NET1: variants seen among roughly 807,000 people sequenced by gnomAD.
The protein encoded by NET1 is neuroepithelial cell transforming 1, also known as neuroepithelial cell-transforming gene 1 protein.
A neutral mutation model predicts 61.1 loss-of-function variants in NET1; 42 were observed. The ratio of observed to expected loss-of-function variants is 0.69; its 90% CI spans 0.54 to 0.89. NET1 has a LOEUF of 0.89. NET1 is among the 40% of genes least tolerant of loss of function. NET1 has a pLI of 0.00. For synonymous variants in NET1, 254 were observed against 281.8 expected, an observed-to-expected ratio of 0.90 and a Z score of 0.99; for missense variants, 654 against 747.3, an observed-to-expected ratio of 0.88 and a Z score of 1.46.
At position 5,431,605 on chromosome 10, in the gene NET1, T is replaced by C. The variant is rs1359020732; in HGVS notation, c.255+2376T>C. On this transcript the variant is annotated intron_variant, in intron 3 of 11. Coordinates refer to ENST00000355029, the MANE Select transcript of NET1 (RefSeq NM_001047160.3). This position sits in a 1 kb window ranked among gnomAD's most constrained non-coding sequence, Gnocchi z 4.9. ...TTGATTACTCTGAAGTTCTGATTTATAATAAAAGCAGAACAAGTGCTTGAT... is the reference window on the plus strand; with the variant it reads ...TTGATTACTCTGAAGTTCTGATTTACAATAAAAGCAGAACAAGTGCTTGAT... Among the ~76,000 whole-genome samples, 2 of 152,218 alleles carry C rather than the reference T, an allele frequency of 1.3e-5. No homozygotes were observed. Among genetic ancestry groups the C allele is most frequent in the Non-Finnish European group, 2.9e-5 (2 of 68,034 alleles).
At position 5,456,708 on chromosome 10, in the gene NET1, C is replaced by A. The variant is rs201622703; in HGVS notation, c.1505C>A (p.Pro502His). 2 of 1,614,042 alleles carry A rather than the reference C, an allele frequency of 1.2e-6. No individual in the cohort carries two copies. Among genetic ancestry groups the A allele is most frequent in the Non-Finnish European group, 1.7e-6 (2 of 1,180,030 alleles). Residue 502 changes from proline (P) to histidine (H), a missense_variant, in exon 12 of 12, where the codon CCC becomes CAC. Pro to His is a moderately conservative substitution (Grantham distance 77, BLOSUM62 -2). Coordinates refer to ENST00000355029, the MANE Select transcript of NET1 (RefSeq NM_001047160.3). This position sits in a 1 kb window ranked among gnomAD's most constrained non-coding sequence, Gnocchi z 7.0. ...AACTGTATTCGAGCGGCCATTGCCC[C>A]CTTCCAGTCGGCAGGCAGTCCACCT... ...WFNCIRAAIA[P>H]FQSAGSPPEL...
Position 5,437,660 on chromosome 10 carries a change from T to A in NET1, c.255+8431T>A, listed in dbSNP as rs1448396322. Among the ~76,000 whole-genome samples the A allele has an allele frequency of 3.1e-5, 2 of 64,258 alleles. No homozygotes were observed. The highest frequency in any genetic ancestry group is 5.5e-5 in the African/African-American group (1 of 18,062). 42.2% of individuals were successfully genotyped at this position (64,258 alleles called of 152,430 possible). A position where few individuals can be genotyped will look rare whatever the true frequency, so the allele number is the denominator to read the frequency against. On this transcript the variant is annotated intron_variant, in intron 3 of 11. Coordinates refer to ENST00000355029, the MANE Select transcript of NET1 (RefSeq NM_001047160.3). This position sits in a 1 kb window ranked among gnomAD's most constrained non-coding sequence, Gnocchi z 4.3. ...GAGTACCCTTTTCAACTCTGTATTTTCCCTAGTATTTTTTTTTTTAACCAA... is the reference window on the plus strand; with the variant it reads ...GAGTACCCTTTTCAACTCTGTATTTACCCTAGTATTTTTTTTTTTAACCAA...
chr10:5,426,577 T>C lies in NET1; in HGVS notation c.129-78T>C. 2 of 1,142,798 alleles carry C rather than the reference T, an allele frequency of 1.8e-6. No homozygotes were observed. Among genetic ancestry groups the C allele is most frequent in the Non-Finnish European group, 2.6e-6 (2 of 783,140 alleles). The allele number at this position is 1,142,798 out of a possible 1,614,324, so 70.8% of individuals were successfully genotyped here. On this transcript the variant is annotated intron_variant, in intron 1 of 11. Coordinates refer to ENST00000355029, the MANE Select transcript of NET1 (RefSeq NM_001047160.3). The surrounding 1 kb of genome is among the most constrained non-coding windows in gnomAD (Gnocchi z 4.6). The stretch of plus-strand genomic sequence containing the variant: ...TAAACGGTTTTGAAAGTATGAAAAG[T>C]ATAGCTTTTTATCTGTTTGATGCTC...
chr10:5,415,500 C>T lies in NET1; in HGVS notation c.128+2680C>T, dbSNP rs1036137735. ...TGTCACCGGGGCTGGAGTACAGTGG[C>T]ATGATCTCGGCTCACTGCAACCTCC... On this transcript the variant is annotated intron_variant, in intron 1 of 11. Coordinates refer to ENST00000355029, the MANE Select transcript of NET1 (RefSeq NM_001047160.3). The surrounding 1 kb of genome is among the most constrained non-coding windows in gnomAD (Gnocchi z 4.7). Among the ~76,000 whole-genome samples, 1 of 148,246 alleles carries T rather than the reference C, an allele frequency of 6.7e-6. No homozygotes were observed. The highest frequency in any genetic ancestry group is 1.5e-5 in the Non-Finnish European group (1 of 67,598).
Position 5,453,595 on chromosome 10 carries a change from C to T in NET1, c.768+35C>T. The T allele has an allele frequency of 6.4e-7, 1 of 1,566,714 alleles. No individual in the cohort carries two copies. The highest frequency in any genetic ancestry group is 8.8e-7 in the Non-Finnish European group (1 of 1,136,906). The stretch of plus-strand genomic sequence containing the variant: ...GAGTTGTTGACCCCAGATACAGTTT[C>T]TTACAGATGTGCCATGTTGCAGTTT... On this transcript the variant is annotated intron_variant, in intron 8 of 11. Coordinates refer to ENST00000355029, the MANE Select transcript of NET1 (RefSeq NM_001047160.3). This position sits in a 1 kb window ranked among gnomAD's most constrained non-coding sequence, Gnocchi z 4.9.
At position 5,452,651 on chromosome 10, in the gene NET1, GGATGGT is replaced by G. The variant is rs1832726285; in HGVS notation, c.531+128_531+133del. ...TACATGGTGAACAAAACCTAATGAT[GGATGGT>G]GGTCAAATTAAACAACTCTAATAGG... On this transcript the variant is annotated intron_variant, in intron 5 of 11. Transcript: ENST00000355029. The surrounding 1 kb of genome is among the most constrained non-coding windows in gnomAD (Gnocchi z 4.0). The G allele has an allele frequency of 9.3e-7, 1 of 1,073,226 alleles. No individual in the cohort carries two copies. Among genetic ancestry groups the G allele is most frequent in the Admixed American group, 2.7e-5 (1 of 37,636 alleles). 66.5% of individuals were successfully genotyped at this position (1,073,226 alleles called of 1,614,324 possible). A position where few individuals can be genotyped will look rare whatever the true frequency, so the allele number is the denominator to read the frequency against.
At chr10:5,419,661 G>C (rs1286447299) in intron 1 of NET1, among the ~76,000 whole-genome samples, 1 of 149,944 alleles carries the variant, frequency 6.7e-6, no homozygotes, top group Non-Finnish European at 1.5e-5. Flanking sequence ...TTCTTGTAAG[G>C]CAAGTCCGCT....
chr10:5,436,724 CT>C (rs1832444407), intron 3 of NET1, among the ~76,000 whole-genome samples: 1 of 152,066 alleles, frequency 6.6e-6, no homozygotes, highest in Admixed American at 6.5e-5. Context: ...GAGAAACAAC[CT>C]CTTAGAACCA....
chr10:5,456,547 T>C lies in NET1; in HGVS notation c.1385-41T>C, dbSNP rs1564469964. 1 of 1,508,674 alleles carries C rather than the reference T, an allele frequency of 6.6e-7. No homozygotes were observed. Among genetic ancestry groups the C allele is most frequent in the Non-Finnish European group, 8.9e-7 (1 of 1,127,450 alleles). The allele number at this position is 1,508,674 out of a possible 1,614,324, so 93.5% of individuals were successfully genotyped here. On this transcript the variant is annotated intron_variant, in intron 11 of 11. Transcript: ENST00000355029. This position sits in a 1 kb window ranked among gnomAD's most constrained non-coding sequence, Gnocchi z 7.0. ...CCACTTTGTCTAGAATAAACCTTTT[T>C]TTAGCCTGATTTCTTTTTTTTTTCC...
At position 5,437,510 on chromosome 10, in the gene NET1, G is replaced by C. The variant is rs1407578205; in HGVS notation, c.255+8281G>C. Among the ~76,000 whole-genome samples, 1 of 152,042 alleles carries C rather than the reference G, an allele frequency of 6.6e-6. No homozygotes were observed. Among genetic ancestry groups the C allele is most frequent in the East Asian group, 1.9e-4 (1 of 5,194 alleles). ...TGGTGCACAAGGAGGGACCATGTTT[G>C]TGTCTCTATTATAGATGTTTAGAAG... On this transcript the variant is annotated intron_variant, in intron 3 of 11. Transcript: ENST00000355029. The surrounding 1 kb of genome is among the most constrained non-coding windows in gnomAD (Gnocchi z 4.3).
Position 5,449,221 on chromosome 10 carries a change from T to C in NET1, c.256-2609T>C, listed in dbSNP as rs972062244. Among the ~76,000 whole-genome samples, 21 of 152,320 alleles carry C rather than the reference T, an allele frequency of 1.4e-4. No individual in the cohort carries two copies. Among genetic ancestry groups the C allele is most frequent in the African/African-American group, 4.6e-4 (19 of 41,576 alleles). On this transcript the variant is annotated intron_variant, in intron 3 of 11. Transcript: ENST00000355029. This position sits in a 1 kb window ranked among gnomAD's most constrained non-coding sequence, Gnocchi z 4.4. Reference sequence around the variant, plus strand: ...TCGTTATTTTAGTCATTAAAATTGTTCATACTTTTAAAATATATATACTAA... The same window carrying C: ...TCGTTATTTTAGTCATTAAAATTGTCCATACTTTTAAAATATATATACTAA...
In NET1 at chr10:5,447,408, TTA is replaced by T. The variant is rs1832632075; in HGVS notation, c.256-4421_256-4420del. On this transcript the variant is annotated intron_variant, in intron 3 of 11. Transcript: ENST00000355029. The surrounding 1 kb of genome is among the most constrained non-coding windows in gnomAD (Gnocchi z 4.1). ...CTCCTTGCTTTGTCTGAGTCTTTTT[TTA>T]GTCTTTATGAACATTTATCAATATA... 6.6e-6 allele frequency among the ~76,000 whole-genome samples: 1 copy of T among 152,236 alleles called. No individual in the cohort carries two copies. The highest frequency in any genetic ancestry group is 2.1e-4 in the South Asian group (1 of 4,832).
chr10:5,446,874 A>G lies in NET1; in HGVS notation c.256-4956A>G. On this transcript the variant is annotated intron_variant, in intron 3 of 11. Coordinates refer to ENST00000355029, the MANE Select transcript of NET1 (RefSeq NM_001047160.3). This position sits in a 1 kb window ranked among gnomAD's most constrained non-coding sequence, Gnocchi z 5.0. The stretch of plus-strand genomic sequence containing the variant: ...AGAACAAGAGGTAAGACTTTAAGAG[A>G]AACGTTAGGCAAAAGGAATGTTTTC... The G allele has an allele frequency of 6.3e-7, 1 of 1,591,846 alleles. No individual in the cohort carries two copies. Among genetic ancestry groups the G allele is most frequent in the Non-Finnish European group, 8.6e-7 (1 of 1,166,098 alleles).
chr10:5,446,540 C>T lies in NET1; in HGVS notation c.256-5290C>T. On this transcript the variant is annotated intron_variant, in intron 3 of 11. Transcript: ENST00000355029. The surrounding 1 kb of genome is among the most constrained non-coding windows in gnomAD (Gnocchi z 5.0). ...GAAGTCACGTGGTGGTGGACCCCGCCCCCAGGGCCCGGTTGGCTGTGGCCC... is the reference window on the plus strand; with the variant it reads ...GAAGTCACGTGGTGGTGGACCCCGCTCCCAGGGCCCGGTTGGCTGTGGCCC... 2.6e-6 allele frequency: 3 copies of T among 1,138,392 alleles called. No homozygotes were observed. The highest frequency in any genetic ancestry group is 2.2e-6 in the Non-Finnish European group (2 of 928,842). 70.5% of individuals were successfully genotyped at this position (1,138,392 alleles called of 1,614,324 possible).
chr10:5,449,441 G>A lies in NET1; in HGVS notation c.256-2389G>A, dbSNP rs1442779879. Reference sequence around the variant, plus strand: ...TCCTAGATTTGATAAACTCTGAAAAGCAGCATTTCCTTTGTGGAGAAGTGG... The same window carrying A: ...TCCTAGATTTGATAAACTCTGAAAAACAGCATTTCCTTTGTGGAGAAGTGG... On this transcript the variant is annotated intron_variant, in intron 3 of 11. Coordinates refer to ENST00000355029, the MANE Select transcript of NET1 (RefSeq NM_001047160.3). This position sits in a 1 kb window ranked among gnomAD's most constrained non-coding sequence, Gnocchi z 4.4. Among the ~76,000 whole-genome samples the A allele has an allele frequency of 6.6e-6, 1 of 152,024 alleles. No individual in the cohort carries two copies. The highest frequency in any genetic ancestry group is 2.4e-5 in the African/African-American group (1 of 41,366).
rs1361879126 is a variant in NET1, at chr10:5,452,960, A to T, written c.594+40A>T. The stretch of plus-strand genomic sequence containing the variant: ...TTTTATCAGATGCCCTAGTTTTTAA[A>T]AATTACATTTCACAAAATCTAAAGG... On this transcript the variant is annotated intron_variant, in intron 6 of 11. Transcript: ENST00000355029. This position sits in a 1 kb window ranked among gnomAD's most constrained non-coding sequence, Gnocchi z 4.0. 1 of 1,318,696 alleles carries T rather than the reference A, an allele frequency of 7.6e-7. No homozygotes were observed. Among genetic ancestry groups the T allele is most frequent in the East Asian group, 2.3e-5 (1 of 43,480 alleles). 81.7% of individuals were successfully genotyped at this position (1,318,696 alleles called of 1,614,324 possible).
chr10:5,451,511 T>TAA lies in NET1; in HGVS notation c.256-307_256-306dup, dbSNP rs201010625. ...TTTTCATAACAATAAGGCTTTTTTT[T>TAA]AAAAAAAAAAAAAGTTATTCCCTGC... On this transcript the variant is annotated intron_variant, in intron 3 of 11. Transcript: ENST00000355029. The surrounding 1 kb of genome is among the most constrained non-coding windows in gnomAD (Gnocchi z 6.1). Among the ~76,000 whole-genome samples, 121 of 147,718 alleles carry TAA rather than the reference T, an allele frequency of 8.2e-4. No homozygotes were observed. Among genetic ancestry groups the TAA allele is most frequent in the Admixed American group, 1.0e-3 (15 of 14,886 alleles).
intron 3 of NET1, among the ~76,000 whole-genome samples, chr10:5,434,676 G>A (rs1476596035): frequency 6.7e-6 from 1 of 149,050 alleles, no homozygotes; most frequent in East Asian, 2.0e-4. Context: ...CTTTGTTGTG[G>A]ATTTTATTTG....
rs1832168715 is a variant in NET1, at chr10:5,421,110, A to G, written c.129-5545A>G. ...ACAAAGAGTAACGTTTAAAGATTTT[A>G]GGCATTAAAAGCAGTCAGACTTCCT... On this transcript the variant is annotated intron_variant, in intron 1 of 11. Coordinates refer to ENST00000355029, the MANE Select transcript of NET1 (RefSeq NM_001047160.3). This position sits in a 1 kb window ranked among gnomAD's most constrained non-coding sequence, Gnocchi z 4.2. Among the ~76,000 whole-genome samples the G allele has an allele frequency of 6.6e-6, 1 of 152,222 alleles. No homozygotes were observed. The highest frequency in any genetic ancestry group is 6.5e-5 in the Admixed American group (1 of 15,284).
Sources: allele counts gnomAD v4.1 joint callset (sites outside exome capture counted in the v4.1 genomes callset), GRCh38; gene constraint gnomAD v4.1.1; non-coding constraint Gnocchi (gnomAD v3.1); transcripts MANE v1.5; gene names NCBI Gene and HGNC (gene_info 2026-07-23, HGNC 2026-07-21).